OR56A3: variants seen among roughly 807,000 people sequenced by gnomAD.
OR56A3 encodes olfactory receptor 56A3.
Under a neutral mutation model 17.5 loss-of-function variants are expected in OR56A3, and 23 were observed. That is an observed-to-expected ratio of 1.32 (90% CI 0.95 to 1.87). The LOEUF (loss-of-function observed/expected upper bound fraction) is 1.87, where lower values mean the gene tolerates loss of function less well. OR56A3 is among the 40% of genes most tolerant of loss of function. The pLI, the probability that OR56A3 is intolerant of heterozygous loss-of-function variation, is 0.00. For synonymous variants in OR56A3, 175 were observed against 150.6 expected (o/e 1.16, Z -1.19); for missense variants, 366 against 380.1 (o/e 0.96, Z 0.31).
downstream of OR56A3, among the ~76,000 whole-genome samples, chr11:5,951,939 A>G (rs7936392): frequency 0.27 from 40,925 of 152,110 alleles, 5,694 homozygotes; most frequent in South Asian, 0.38. Context: ...GAATGATTTG[A>G]GATGAAGGAC....
At chr11:5,962,724 G>A in the OR56A3 span, among the ~76,000 whole-genome samples, 1 of 151,984 alleles carries the variant, frequency 6.6e-6, no homozygotes, top group Non-Finnish European at 1.5e-5. Flanking sequence ...ATTTTTAGTA[G>A]AGATGGGGTT....
the OR56A3 span, among the ~76,000 whole-genome samples, chr11:5,978,272 T>C: frequency 6.6e-4 from 101 of 152,310 alleles, no homozygotes; most frequent in African/African-American, 2.2e-3. Context: ...AAGAATAGTA[T>C]TGAATCTCTA....
At chr11:5,997,958 C>T in the OR56A3 span, among the ~76,000 whole-genome samples, 1 of 152,006 alleles carries the variant, frequency 6.6e-6, no homozygotes, top group Non-Finnish European at 1.5e-5. Context: ...ACTCACTGGA[C>T]AGGTATAAGA....
the OR56A3 span, among the ~76,000 whole-genome samples, chr11:5,990,143 T>C: frequency 4.6e-5 from 7 of 152,350 alleles, no homozygotes; most frequent in African/African-American, 1.4e-4. Context: ...CTGCATTACT[T>C]ATTTCAGCAG....
the OR56A3 span, among the ~76,000 whole-genome samples, chr11:5,960,047 C>A: frequency 6.6e-6 from 1 of 152,152 alleles, no homozygotes; most frequent in Admixed American, 6.5e-5. Flanking sequence ...ATGCCAGTAC[C>A]GTACTGTTTT....
In OR56A3 at chr11:5,950,073, A is replaced by G. The variant is rs1479725537; in HGVS notation, c.*1779A>G. ...TACCATGGAAGAATCTTACAATTATAAAGATATAACATGCTTGTAAGGTAA... is the reference window on the plus strand; with the variant it reads ...TACCATGGAAGAATCTTACAATTATGAAGATATAACATGCTTGTAAGGTAA... On this transcript the variant is annotated 3_prime_UTR_variant, in exon 3 of 3. Transcript: ENST00000641160. 2 of 152,192 alleles carry G rather than the reference A, an allele frequency of 1.3e-5. No homozygotes were observed. The highest frequency in any genetic ancestry group is 2.9e-5 in the Non-Finnish European group (2 of 68,012). 9.4% of individuals were successfully genotyped at this position (152,192 alleles called of 1,614,324 possible). A position where few individuals can be genotyped will look rare whatever the true frequency, so the allele number is the denominator to read the frequency against.
At chr11:5,965,646 T>C in the OR56A3 span, among the ~76,000 whole-genome samples, 2 of 152,202 alleles carry the variant, frequency 1.3e-5, no homozygotes, top group Non-Finnish European at 2.9e-5. Context: ...AGCATTATAT[T>C]AAAGCTCTAG....
the OR56A3 span, among the ~76,000 whole-genome samples, chr11:5,990,562 A>T: frequency 6.6e-4 from 101 of 152,264 alleles, no homozygotes; most frequent in African/African-American, 2.3e-3. Context: ...GATATAATCT[A>T]TCCCTCTCTC....
At chr11:5,966,893 A>AACAGACACACACAC in the OR56A3 span, among the ~76,000 whole-genome samples, 1 of 147,132 alleles carries the variant, frequency 6.8e-6, no homozygotes, top group African/African-American at 2.5e-5. Flanking sequence ...CACTTAAAGC[A>AACAGACACACACAC]ACACACACAC....
At chr11:5,984,816 A>C in the OR56A3 span, among the ~76,000 whole-genome samples, 1 of 152,188 alleles carries the variant, frequency 6.6e-6, no homozygotes, top group Non-Finnish European at 1.5e-5. Context: ...TCCTACCAAT[A>C]TGAAATCCCA....
the OR56A3 span, among the ~76,000 whole-genome samples, chr11:5,964,642 G>A: frequency 5.3e-5 from 8 of 152,316 alleles, no homozygotes; most frequent in Admixed American, 2.6e-4. Context: ...GGGTTATTTG[G>A]AGTCCAAGGC....
At chr11:5,994,482 C>G in the OR56A3 span, 1 of 758,854 alleles carries the variant, frequency 1.3e-6, no homozygotes, top group African/African-American at 1.7e-5. Context: ...CCAGAGCTGG[C>G]AATCTGAGCT....
Position 5,949,253 on chromosome 11 carries a change from G to C in OR56A3, c.*959G>C, listed in dbSNP as rs1300323819. The C allele has an allele frequency of 6.6e-6, 1 of 152,210 alleles. No individual in the cohort carries two copies. Among genetic ancestry groups the C allele is most frequent in the African/African-American group, 2.4e-5 (1 of 41,458 alleles). The allele number at this position is 152,210 out of a possible 1,614,324, so 9.4% of individuals were successfully genotyped here. A position where few individuals can be genotyped will look rare whatever the true frequency, so the allele number is the denominator to read the frequency against. On this transcript the variant is annotated 3_prime_UTR_variant, in exon 3 of 3. Coordinates refer to ENST00000641160, the MANE Select transcript of OR56A3 (RefSeq NM_001003443.3). ...TTGTTGTTGATTTGAGGACCTCAAA[G>C]TTTGGGTAGGAAAAATACAAATATG...
At chr11:6,003,732 A>G in the OR56A3 span, among the ~76,000 whole-genome samples, 4 of 152,150 alleles carry the variant, frequency 2.6e-5, no homozygotes, top group Non-Finnish European at 5.9e-5. Context: ...TTATAATGAC[A>G]CAACGTTGTG....
At chr11:6,008,627 C>G in the OR56A3 span, among the ~76,000 whole-genome samples, 1 of 151,890 alleles carries the variant, frequency 6.6e-6, no homozygotes, top group Non-Finnish European at 1.5e-5. Context: ...ATTTCCTCAT[C>G]TGAAATATGA....
chr11:5,951,784 T>A (rs1041336167), downstream of OR56A3, among the ~76,000 whole-genome samples: 2 of 152,152 alleles, frequency 1.3e-5, no homozygotes, highest in African/African-American at 4.8e-5. Context: ...CTTATTATGG[T>A]GCTGGGGTTG....
At chr11:5,991,380 T>G in the OR56A3 span, among the ~76,000 whole-genome samples, 1 of 152,136 alleles carries the variant, frequency 6.6e-6, no homozygotes, top group Non-Finnish European at 1.5e-5. Flanking sequence ...TTCTCTCCCT[T>G]TCCCCCACTG....
chr11:5,967,340 A>C, the OR56A3 span, among the ~76,000 whole-genome samples: 4 of 152,338 alleles, frequency 2.6e-5, no homozygotes, highest in South Asian at 8.3e-4. Context: ...AAAACTTCCA[A>C]ACAATTCTAG....
At chr11:5,956,500 A>T in the OR56A3 span, among the ~76,000 whole-genome samples, 3 of 152,206 alleles carry the variant, frequency 2.0e-5, no homozygotes, top group African/African-American at 7.2e-5. Context: ...GCATTCTGTT[A>T]TACAAGCAAT....
Sources: gnomAD v4.1 joint callset for allele counts (sites outside exome capture counted in the v4.1 genomes callset) on GRCh38, gnomAD v4.1.1 for gene constraint, MANE v1.5 for transcripts, NCBI Gene and HGNC (gene_info 2026-07-23, HGNC 2026-07-21) for gene names.